Variants in ZNRF3 observed in about 807,000 individuals in gnomAD.
ZNRF3 encodes zinc and ring finger 3.
Under a neutral mutation model 72.5 loss-of-function variants are expected in ZNRF3, and 23 were observed. The ratio of observed to expected loss-of-function variants is 0.32; its 90% CI spans 0.23 to 0.45. ZNRF3 has a LOEUF of 0.45. ZNRF3 is among the 20% of genes least tolerant of loss of function. The pLI, the probability that ZNRF3 is intolerant of heterozygous loss-of-function variation, is 1.00. For synonymous variants in ZNRF3, 610 were observed against 545.3 expected (o/e 1.12, Z -1.65); for missense variants, 1,169 against 1,272.1 (o/e 0.92, Z 1.23).
intron 1 of ZNRF3, among the ~76,000 whole-genome samples, chr22:28,970,734 A>G (rs1173148804): frequency 2.0e-5 from 3 of 152,242 alleles, no homozygotes; most frequent in Admixed American, 6.5e-5. Flanking sequence ...CAAAGGATCC[A>G]GGGTTCTTCC....
intron 2 of ZNRF3, among the ~76,000 whole-genome samples, chr22:28,998,907 C>T (rs1020729735): frequency 6.6e-6 from 1 of 152,140 alleles, no homozygotes; most frequent in Non-Finnish European, 1.5e-5. Context: ...TCTAGACACT[C>T]CTCCCTGCCA....
chr22:28,968,367 G>C (rs1166174621), intron 1 of ZNRF3, among the ~76,000 whole-genome samples: 1 of 151,658 alleles, frequency 6.6e-6, no homozygotes, highest in East Asian at 1.9e-4. Flanking sequence ...CTTTCTTATA[G>C]CTATAATTCC....
chr22:28,939,559 G>A, intron 1 of ZNRF3, among the ~76,000 whole-genome samples: 1 of 151,994 alleles, frequency 6.6e-6, no homozygotes, highest in Non-Finnish European at 1.5e-5. Flanking sequence ...AGCCCTCCCT[G>A]AAATCCCCTG....
chr22:28,932,955 C>T (rs1164485817), intron 1 of ZNRF3, among the ~76,000 whole-genome samples: 1 of 152,180 alleles, frequency 6.6e-6, no homozygotes, highest in Non-Finnish European at 1.5e-5. Context: ...CCTTCTTCTA[C>T]CTTAATGAAA....
At chr22:28,948,793 A>G (rs932480176) in intron 1 of ZNRF3, among the ~76,000 whole-genome samples, 1 of 152,198 alleles carries the variant, frequency 6.6e-6, no homozygotes. Context: ...TCAATGAACT[A>G]TTCCTACTGT....
intron 1 of ZNRF3, among the ~76,000 whole-genome samples, chr22:28,940,496 C>CTTTT (rs575819283): frequency 2.2e-5 from 3 of 138,232 alleles, no homozygotes; most frequent in Non-Finnish European, 3.1e-5. Context: ...TAGGTTTCTG[C>CTTTT]TTTTTTTTTT....
intron 2 of ZNRF3, among the ~76,000 whole-genome samples, chr22:29,009,227 T>C (rs920659914): frequency 4.6e-5 from 7 of 151,902 alleles, no homozygotes; most frequent in African/African-American, 1.7e-4. Flanking sequence ...ACTGGCTGGG[T>C]TTGGGGGAGG....
At chr22:28,937,789 A>T (rs1265348423) in intron 1 of ZNRF3, among the ~76,000 whole-genome samples, 2 of 152,228 alleles carry the variant, frequency 1.3e-5, no homozygotes, top group Admixed American at 1.3e-4. Context: ...GGGTATAATG[A>T]ATATATTCAT....
chr22:28,933,440 C>T (rs2034749205), intron 1 of ZNRF3, among the ~76,000 whole-genome samples: 1 of 152,134 alleles, frequency 6.6e-6, no homozygotes. Flanking sequence ...TCTCCTGGTG[C>T]TCATGATAAC....
chr22:28,935,751 G>T (rs193061600), intron 1 of ZNRF3, among the ~76,000 whole-genome samples: 2 of 152,178 alleles, frequency 1.3e-5, no homozygotes, highest in South Asian at 2.1e-4. Flanking sequence ...GTTTATGATA[G>T]AATCCATTTT....
At chr22:28,983,693 G>T (rs182023553) in intron 1 of ZNRF3, among the ~76,000 whole-genome samples, 4 of 152,270 alleles carry the variant, frequency 2.6e-5, no homozygotes, top group Admixed American at 2.6e-4. Flanking sequence ...TTTACTGTAG[G>T]TTTATTGCCA....
chr22:28,939,212 A>G (rs947737170), intron 1 of ZNRF3, among the ~76,000 whole-genome samples: 1 of 146,658 alleles, frequency 6.8e-6, no homozygotes, highest in Non-Finnish European at 1.5e-5. Flanking sequence ...TGAATTTGGG[A>G]GGCGGAGGTA....
At position 28,975,507 on chromosome 22, in the gene ZNRF3, C is replaced by CAAAA. The variant is rs71316877; in HGVS notation, c.301-11551_301-11548dup. 8.6e-3 allele frequency among the ~76,000 whole-genome samples: 413 copies of CAAAA among 47,838 alleles called. 11 individuals carry two copies. The highest frequency in any genetic ancestry group is 0.038 in the African/African-American group (390 of 10,228). The allele number at this position is 47,838 out of a possible 152,430, so 31.4% of individuals were successfully genotyped here. A position where few individuals can be genotyped will look rare whatever the true frequency, so the allele number is the denominator to read the frequency against. On this transcript the variant is annotated intron_variant, in intron 1 of 8. Transcript: ENST00000544604. Reference sequence around the variant, plus strand: ...TGGGAGACAGAGCGATACTCTGTCTCAAAAAAAAAAAAAAAAAAAAAGAGT... The same window carrying CAAAA: ...TGGGAGACAGAGCGATACTCTGTCTCAAAAAAAAAAAAAAAAAAAAAAAAAGAGT...
At chr22:29,042,407 C>T (rs1383536425) in intron 2 of ZNRF3, 88 bp from the exon 3 acceptor site, 2 of 1,057,974 alleles carry the variant, frequency 1.9e-6, no homozygotes, top group African/African-American at 3.1e-5. Context: ...TCAGATTCTG[C>T]ATTTGATTAC....
intron 1 of ZNRF3, among the ~76,000 whole-genome samples, chr22:28,909,952 C>T (rs1241675548): frequency 6.6e-6 from 1 of 151,644 alleles, no homozygotes; most frequent in Admixed American, 6.6e-5. Context: ...GTTTCCCAGG[C>T]TGGTCTTGAA....
Position 28,883,693 on chromosome 22 carries a change from C to G in ZNRF3, c.-74C>G, listed in dbSNP as rs910072516. On this transcript the variant is annotated 5_prime_UTR_variant, in exon 1 of 9. Coordinates refer to ENST00000544604, the MANE Select transcript of ZNRF3 (RefSeq NM_001206998.2). The surrounding 1 kb of genome is among the most constrained non-coding windows in gnomAD (Gnocchi z 5.5). ...CGTGATGGGGCTGTGAGGCGTCCGC[C>G]CGCGTTCGGTCCTCAGCCGGCCCGC... 20 of 982,626 alleles carry G rather than the reference C, an allele frequency of 2.0e-5. No homozygotes were observed. The African/African-American group carries it at 3.2e-4, about 16-fold the overall frequency. 60.9% of individuals were successfully genotyped at this position (982,626 alleles called of 1,614,324 possible).
rs1430063913 is a variant in ZNRF3, at chr22:28,923,417, TCA to T, written c.300+39355_300+39356del. Reference sequence around the variant, plus strand: ...TAGGAAAGTCAGATGTGATCTACCCTCACACCCGCCAGTCTCAAACGGCTTTT... The same window carrying T: ...TAGGAAAGTCAGATGTGATCTACCCTCACCCGCCAGTCTCAAACGGCTTTT... On this transcript the variant is annotated intron_variant, in intron 1 of 8. Coordinates refer to ENST00000544604, the MANE Select transcript of ZNRF3 (RefSeq NM_001206998.2). Among the ~76,000 whole-genome samples the T allele has an allele frequency of 2.0e-5, 3 of 152,168 alleles. No homozygotes were observed. In the East Asian group the frequency reaches 5.8e-4, roughly 29 times the overall value.
intron 2 of ZNRF3, among the ~76,000 whole-genome samples, chr22:29,040,730 G>A (rs2036947437): frequency 6.6e-6 from 1 of 152,208 alleles, no homozygotes; most frequent in Admixed American, 6.5e-5. Flanking sequence ...AAGACAGATT[G>A]TCCAGAGTGC....
intron 1 of ZNRF3, among the ~76,000 whole-genome samples, chr22:28,978,760 T>C (rs1467595379): frequency 2.0e-5 from 3 of 152,240 alleles, no homozygotes; most frequent in Non-Finnish European, 4.4e-5. Context: ...TTTAGTGGCT[T>C]CTTTTGTCTT....
Sources: allele counts gnomAD v4.1 joint callset (sites outside exome capture counted in the v4.1 genomes callset), GRCh38; gene constraint gnomAD v4.1.1; non-coding constraint Gnocchi (gnomAD v3.1); transcripts MANE v1.5; gene names NCBI Gene and HGNC (gene_info 2026-07-23, HGNC 2026-07-21).